The following UPF1 variants were observed in gnomAD, a reference collection of about 807,000 sequenced individuals.
The protein encoded by UPF1 is UPF1 RNA helicase and ATPase.
Under a neutral mutation model 129.2 loss-of-function variants are expected in UPF1, and 9 were observed. The observed-to-expected ratio is 0.07, with a 90% confidence interval of 0.04 to 0.12. UPF1 has a LOEUF of 0.12. Among genes scored for constraint, UPF1 ranks in the 10% least tolerant of loss-of-function variants. The pLI, the probability that UPF1 is intolerant of heterozygous loss-of-function variation, is 1.00. For missense variants in UPF1, 788 were observed against 1,525.3 expected (o/e 0.52, Z 8.05); for synonymous variants, 649 against 644.9 (o/e 1.01, Z -0.10).
At chr19:18,863,928 G>C (rs1432955386) in intron 19 of UPF1, among the ~76,000 whole-genome samples, 1 of 152,152 alleles carries the variant, frequency 6.6e-6, no homozygotes, top group Non-Finnish European at 1.5e-5. Flanking sequence ...CTGGTAGTGA[G>C]GGGGTGTGAA....
chr19:18,841,610 G>C (rs533027824), intron 1 of UPF1, among the ~76,000 whole-genome samples: 1 of 152,298 alleles, frequency 6.6e-6, no homozygotes, highest in African/African-American at 2.4e-5. Flanking sequence ...GTCTGGCCTG[G>C]GTTGTTGTCC....
chr19:18,861,982 T>G, intron 17 of UPF1, 28 bp from the exon 18 acceptor site: 2 of 1,612,662 alleles, frequency 1.2e-6, no homozygotes, highest in Non-Finnish European at 1.7e-6. Flanking sequence ...GCCTGCTGGC[T>G]GATAGTGACC....
Position 18,850,597 on chromosome 19 carries a change from T to G in UPF1, c.630-91T>G. On this transcript the variant is annotated intron_variant, in intron 4 of 23. Coordinates refer to ENST00000262803, the MANE Select transcript of UPF1 (RefSeq NM_002911.4). This position sits in a 1 kb window ranked among gnomAD's most constrained non-coding sequence, Gnocchi z 7.1. ...ATAATAAAATGCAGGGCATGCCCCT[T>G]TGGGTGAAAGGTCAGCATGGGAGGG... The G allele has an allele frequency of 7.2e-7, 1 of 1,396,532 alleles. No homozygotes were observed. Among genetic ancestry groups the G allele is most frequent in the Non-Finnish European group, 9.5e-7 (1 of 1,058,170 alleles). The allele number at this position is 1,396,532 out of a possible 1,614,324, so 86.5% of individuals were successfully genotyped here. A position where few individuals can be genotyped will look rare whatever the true frequency, so the allele number is the denominator to read the frequency against.
At chr19:18,862,330 C>A (rs2055789327) in intron 18 of UPF1, among the ~76,000 whole-genome samples, 178 bp downstream of exon 18, 1 of 152,142 alleles carries the variant, frequency 6.6e-6, no homozygotes. Flanking sequence ...TTTGCTGTGG[C>A]CCCTGTGCCT....
Position 18,865,827 on chromosome 19 carries a change from G to A in UPF1, c.3237+49G>A, listed in dbSNP as rs747968904. On this transcript the variant is annotated intron_variant, in intron 22 of 23. Transcript: ENST00000262803. This position sits in a 1 kb window ranked among gnomAD's most constrained non-coding sequence, Gnocchi z 6.1. ...CTTACCTGAGTGAGGGTGGGGCTAT[G>A]CACCTGAAACATTCCCTCTGAAGAG... is the stretch of plus-strand genomic sequence containing the variant. The A allele has an allele frequency of 4.4e-6, 7 of 1,606,412 alleles. No homozygotes were observed. In the Admixed American group the frequency reaches 1.2e-4, roughly 27 times the overall value.
chr19:18,859,349 T>G (rs192192140), intron 15 of UPF1: 3 of 152,334 alleles, frequency 2.0e-5, no homozygotes, highest in Non-Finnish European at 4.4e-5. Flanking sequence ...TGTGGCCACA[T>G]TACAAGTGTC....
chr19:18,859,171 G>C (rs1009080904), intron 15 of UPF1, among the ~76,000 whole-genome samples: 7 of 152,242 alleles, frequency 4.6e-5, no homozygotes, highest in African/African-American at 9.6e-5. Context: ...GGGTGTCTGA[G>C]CACTGGCTGG....
chr19:18,835,708 TTTTG>T (rs2055476812), intron 1 of UPF1, among the ~76,000 whole-genome samples: 1 of 152,164 alleles, frequency 6.6e-6, no homozygotes, highest in Non-Finnish European at 1.5e-5. Context: ...ATGGACCATG[TTTTG>T]TTTATCTCGT....
chr19:18,850,354 C>T lies in UPF1; in HGVS notation c.629+112C>T. On this transcript the variant is annotated intron_variant, in intron 4 of 23. Transcript: ENST00000262803. The surrounding 1 kb of genome is among the most constrained non-coding windows in gnomAD (Gnocchi z 7.1). ...GGCTCTAACTCCAGGGAGTTGTCCT[C>T]CAAAGATGGTTTTTGCTGAAGGGTG... 3 of 1,423,782 alleles carry T rather than the reference C, an allele frequency of 2.1e-6. No homozygotes were observed. Among genetic ancestry groups the T allele is most frequent in the Non-Finnish European group, 2.8e-6 (3 of 1,067,904 alleles). 88.2% of individuals were successfully genotyped at this position (1,423,782 alleles called of 1,614,324 possible).
intron 17 of UPF1, among the ~76,000 whole-genome samples, chr19:18,861,744 G>C (rs919662597): frequency 3.9e-5 from 6 of 152,210 alleles, no homozygotes; most frequent in African/African-American, 1.4e-4. Flanking sequence ...GGTGGGATCA[G>C]CTGAGCCTGG....
intron 1 of UPF1, among the ~76,000 whole-genome samples, chr19:18,838,010 A>C (rs2055501487): frequency 6.6e-6 from 1 of 152,196 alleles, no homozygotes; most frequent in African/African-American, 2.4e-5. Context: ...TTCCTTTTGA[A>C]GTGGTAAAAT....
chr19:18,848,668 G>A (rs960933312), intron 3 of UPF1, among the ~76,000 whole-genome samples: 2 of 152,100 alleles, frequency 1.3e-5, no homozygotes, highest in Admixed American at 6.5e-5. Context: ...TGTGGGTCTC[G>A]GAGGGTTACA....
chr19:18,841,351 C>T (rs926900862), intron 1 of UPF1, among the ~76,000 whole-genome samples: 1 of 152,168 alleles, frequency 6.6e-6, no homozygotes, highest in Non-Finnish European at 1.5e-5. Flanking sequence ...GCCATTTTGA[C>T]CTGCAGTATG....
intron 23 of UPF1, 126 bp from the exon 24 acceptor site, chr19:18,866,395 A>G: frequency 1.8e-6 from 1 of 548,334 alleles, no homozygotes; most frequent in Non-Finnish European, 3.0e-6. Flanking sequence ...CCACCGCGGG[A>G]CCTCAGTTTC....
intron 1 of UPF1, among the ~76,000 whole-genome samples, chr19:18,839,083 T>C (rs1489261608): frequency 6.6e-6 from 1 of 152,074 alleles, no homozygotes; most frequent in African/African-American, 2.4e-5. Context: ...TCTGATGACC[T>C]ACCAGGGAAC....
chr19:18,847,921 T>C, intron 3 of UPF1, 88 bp downstream of exon 3: 5 of 1,440,328 alleles, frequency 3.5e-6, no homozygotes, highest in Non-Finnish European at 3.9e-6. Context: ...CAAAGCGTAA[T>C]ATAAAATCAC....
chr19:18,849,772 A>G (rs1415150442), intron 3 of UPF1: 7 of 356,786 alleles, frequency 2.0e-5, no homozygotes, highest in South Asian at 1.0e-4. Flanking sequence ...TGGGCCAACA[A>G]TGGGTTAAAT....
Position 18,850,813 on chromosome 19 carries a change from T to A in UPF1, c.755T>A (p.Leu252Gln). Residue 252 changes from leucine (L) to glutamine (Q), a missense_variant, in exon 5 of 24, where the codon CTG becomes CAG. Around this residue, in one of 6 missense-constraint regions of UPF1, gnomAD observed 227 missense variants for 517.9 expected, o/e 0.44. Coordinates refer to ENST00000262803, the MANE Select transcript of UPF1 (RefSeq NM_002911.4). This position sits in a 1 kb window ranked among gnomAD's most constrained non-coding sequence, Gnocchi z 7.1. Reference protein sequence around the residue: ...LVKIPSEQEQLRARQITAQQI... With the variant: ...LVKIPSEQEQQRARQITAQQI... The stretch of plus-strand genomic sequence containing the variant: ...AAGATCCCCTCCGAGCAGGAGCAGC[T>A]GCGGGCACGCCAGATCACGGCACAG... The A allele has an allele frequency of 6.2e-7, 1 of 1,609,990 alleles. No individual in the cohort carries two copies. The highest frequency in any genetic ancestry group is 8.5e-7 in the Non-Finnish European group (1 of 1,178,460).
chr19:18,855,729 T>C, intron 11 of UPF1, 196 bp from the exon 12 acceptor site: 1 of 727,208 alleles, frequency 1.4e-6, no homozygotes. Context: ...GCACCTGTGG[T>C]CCCAGCTACT....
Sources: gnomAD v4.1 joint callset for allele counts (sites outside exome capture counted in the v4.1 genomes callset) on GRCh38, gnomAD v4.1.1 for gene constraint, gnomAD v4.1.1 regional missense constraint, Gnocchi (gnomAD v3.1) non-coding constraint, MANE v1.5 for transcripts, NCBI Gene and HGNC (gene_info 2026-07-23, HGNC 2026-07-21) for gene names.